INPP5A: variants seen among roughly 807,000 people sequenced by gnomAD.
INPP5A encodes 43 kDa inositol polyphosphate 5-phophatase.
In INPP5A, 14 loss-of-function variants were observed where a neutral mutation model predicts 65.2. That is an observed-to-expected ratio of 0.21 (90% CI 0.14 to 0.34). The LOEUF (loss-of-function observed/expected upper bound fraction) is 0.34, where lower values mean the gene tolerates loss of function less well. INPP5A is among the 10% of genes least tolerant of loss of function. The pLI, the probability that INPP5A is intolerant of heterozygous loss-of-function variation, is 1.00. For synonymous variants in INPP5A, 207 were observed against 208.3 expected, an observed-to-expected ratio of 0.99 and a Z score of 0.05; for missense variants, 431 against 545.6, an observed-to-expected ratio of 0.79 and a Z score of 2.09.
chr10:132,744,054 C>G (rs1022146316), intron 9 of INPP5A, among the ~76,000 whole-genome samples: 7 of 152,246 alleles, frequency 4.6e-5, no homozygotes, highest in African/African-American at 1.7e-4. Flanking sequence ...GCTGGACGGG[C>G]CCCCACAGAG....
At position 132,753,847 on chromosome 10, in the gene INPP5A, C is replaced by T. The variant is rs1846541492; in HGVS notation, c.903+4002C>T. 1 of 152,196 alleles carries T rather than the reference C, an allele frequency of 6.6e-6. No homozygotes were observed. The highest frequency in any genetic ancestry group is 1.5e-5 in the Non-Finnish European group (1 of 68,040). 9.4% of individuals were successfully genotyped at this position (152,196 alleles called of 1,614,324 possible). ...GACAGATGGGCAGGATCAGCCGCTG[C>T]CTTGTCATTGTCCACACGGCCCTGC... On this transcript the variant is annotated intron_variant, in intron 11 of 15. Transcript: ENST00000368594. The surrounding 1 kb of genome is among the most constrained non-coding windows in gnomAD (Gnocchi z 5.3).
chr10:132,590,618 G>A (rs929129860), intron 1 of INPP5A, among the ~76,000 whole-genome samples: 6 of 152,196 alleles, frequency 3.9e-5, no homozygotes, highest in Admixed American at 1.3e-4. Flanking sequence ...GATCTCAAGC[G>A]TCGCGTCTAG....
At chr10:132,562,875 C>T (rs966724472) in intron 1 of INPP5A, among the ~76,000 whole-genome samples, 4 of 152,296 alleles carry the variant, frequency 2.6e-5, no homozygotes, top group Admixed American at 6.5e-5. Context: ...AGGCTCGGGG[C>T]GGTGGTGCCC....
At chr10:132,567,725 G>A (rs968160894) in intron 1 of INPP5A, among the ~76,000 whole-genome samples, 4 of 152,128 alleles carry the variant, frequency 2.6e-5, no homozygotes, top group African/African-American at 4.8e-5. Flanking sequence ...GAAGTCCAAC[G>A]ATTCCAGCTT....
intron 8 of INPP5A, among the ~76,000 whole-genome samples, chr10:132,721,817 TG>T (rs1172022331): frequency 6.6e-6 from 1 of 151,646 alleles, no homozygotes; most frequent in Non-Finnish European, 1.5e-5. Flanking sequence ...AGGTTCTGTC[TG>T]GGGGCGCCTT....
intron 9 of INPP5A, among the ~76,000 whole-genome samples, chr10:132,733,350 TGAACAC>T: frequency 6.6e-6 from 1 of 152,260 alleles, no homozygotes; most frequent in African/African-American, 2.4e-5. Context: ...CGTGGTCCAC[TGAACAC>T]TAGCACAGAA....
At chr10:132,728,278 G>T (rs974654094) in intron 9 of INPP5A, among the ~76,000 whole-genome samples, 1 of 152,234 alleles carries the variant, frequency 6.6e-6, no homozygotes, top group Non-Finnish European at 1.5e-5. Context: ...CAGGGGCCCC[G>T]AAGTCCTTTC....
intron 3 of INPP5A, among the ~76,000 whole-genome samples, chr10:132,647,293 T>G (rs1330896579): frequency 6.6e-6 from 1 of 151,946 alleles, no homozygotes; most frequent in Non-Finnish European, 1.5e-5. Flanking sequence ...TTTTTTTGTG[T>G]TTTTTTAGTA....
At chr10:132,589,562 C>T (rs1168881984) in intron 1 of INPP5A, among the ~76,000 whole-genome samples, 4 of 152,254 alleles carry the variant, frequency 2.6e-5, no homozygotes, top group African/African-American at 9.6e-5. Flanking sequence ...GGAGTCCTGC[C>T]TTGGGAAGCC....
chr10:132,671,879 C>G (rs1168242700), intron 4 of INPP5A, among the ~76,000 whole-genome samples: 1 of 152,196 alleles, frequency 6.6e-6, no homozygotes, highest in Non-Finnish European at 1.5e-5. Flanking sequence ...AGCCTGTACT[C>G]TCAACCAGCC....
chr10:132,744,411 G>A (rs1374506457), intron 9 of INPP5A, among the ~76,000 whole-genome samples: 1 of 152,142 alleles, frequency 6.6e-6, no homozygotes, highest in Non-Finnish European at 1.5e-5. Flanking sequence ...CAGGACCCCC[G>A]GGAGGGTGGG....
At chr10:132,552,384 A>G (rs1590823175) in intron 1 of INPP5A, among the ~76,000 whole-genome samples, 2 of 136,484 alleles carry the variant, frequency 1.5e-5, no homozygotes, top group African/African-American at 5.7e-5. Context: ...TGGCATATTG[A>G]GTGGGATAGG....
At chr10:132,685,420 T>C (rs1427246718) in intron 4 of INPP5A, among the ~76,000 whole-genome samples, 2 of 152,266 alleles carry the variant, frequency 1.3e-5, no homozygotes, top group Non-Finnish European at 2.9e-5. Context: ...CCTTTCTGTC[T>C]CGAGCAGAGT....
In INPP5A at chr10:132,662,847, A is replaced by G. The variant is rs570375971; in HGVS notation, c.306+12342A>G. Among the ~76,000 whole-genome samples, 4 of 152,318 alleles carry G rather than the reference A, an allele frequency of 2.6e-5. No homozygotes were observed. In the East Asian group the frequency reaches 5.8e-4, roughly 22 times the overall value. ...TGTCAAGGGGCGAAGGGACCCAGGG[A>G]ACCTTCTGGAGCGACGGGCATGTTA... On this transcript the variant is annotated intron_variant, in intron 4 of 15. Transcript: ENST00000368594.
rs540247059 is a variant in INPP5A, at chr10:132,596,509, C to A, written c.76-11406C>A. Among the ~76,000 whole-genome samples, 4 of 151,564 alleles carry A rather than the reference C, an allele frequency of 2.6e-5. No homozygotes were observed. In the East Asian group the frequency reaches 5.9e-4, roughly 22 times the overall value. ...GTGGCACCATCTCAGCTCACTGCAACCTCCACCTCCCAGGTTCAAGCGATT... is the reference window on the plus strand; with the variant it reads ...GTGGCACCATCTCAGCTCACTGCAAACTCCACCTCCCAGGTTCAAGCGATT... On this transcript the variant is annotated intron_variant, in intron 1 of 15. Coordinates refer to ENST00000368594, the MANE Select transcript of INPP5A (RefSeq NM_005539.5).
intron 7 of INPP5A, among the ~76,000 whole-genome samples, chr10:132,708,994 G>T (rs1845588048): frequency 6.6e-6 from 1 of 151,914 alleles, no homozygotes; most frequent in Non-Finnish European, 1.5e-5. Context: ...AAACTTGGCT[G>T]CTTGATTATC....
At chr10:132,688,232 A>T (rs1845173716) in intron 4 of INPP5A, among the ~76,000 whole-genome samples, 1 of 152,196 alleles carries the variant, frequency 6.6e-6, no homozygotes, top group Non-Finnish European at 1.5e-5. Context: ...GCAGGCCCAG[A>T]ACATAAGTCC....
Position 132,782,734 on chromosome 10 carries a change from C to G in INPP5A, c.*705C>G, listed in dbSNP as rs953306570. 1.3e-5 allele frequency: 2 copies of G among 152,346 alleles called. No homozygotes were observed. Among genetic ancestry groups the G allele is most frequent in the African/African-American group, 4.8e-5 (2 of 41,414 alleles). The allele number at this position is 152,346 out of a possible 1,614,324, so 9.4% of individuals were successfully genotyped here. On this transcript the variant is annotated 3_prime_UTR_variant, in exon 16 of 16. Coordinates refer to ENST00000368594, the MANE Select transcript of INPP5A (RefSeq NM_005539.5). The surrounding 1 kb of genome is among the most constrained non-coding windows in gnomAD (Gnocchi z 4.4). ...GCGGCATTGGAGTCTAGGAGCTCAG[C>G]TGTGTGTCCATCAACACACAAATTC...
Position 132,606,528 on chromosome 10 carries a change from G to A in INPP5A, c.76-1387G>A, listed in dbSNP as rs1014285521. On this transcript the variant is annotated intron_variant, in intron 1 of 15. Transcript: ENST00000368594. ...TGAAGCCTGGAGCCAGGGTGTTCTC[G>A]GCTCGGTCCTGTGATCTGTGAAGCT... is the stretch of plus-strand genomic sequence containing the variant. 1.1e-4 allele frequency among the ~76,000 whole-genome samples: 16 copies of A among 152,240 alleles called. No homozygotes were observed. In the East Asian group the frequency reaches 1.2e-3, roughly 11 times the overall value.
Sources: allele counts gnomAD v4.1 joint callset (sites outside exome capture counted in the v4.1 genomes callset), GRCh38; gene constraint gnomAD v4.1.1; non-coding constraint Gnocchi (gnomAD v3.1); transcripts MANE v1.5; gene names NCBI Gene and HGNC (gene_info 2026-07-23, HGNC 2026-07-21).